CDKN2AIP: variants seen among roughly 807,000 people sequenced by gnomAD.
The protein encoded by CDKN2AIP is CDKN2A interacting protein.
CDKN2AIP carries 12 observed loss-of-function variants against 44.1 expected under a neutral mutation model. That is an observed-to-expected ratio of 0.27 (90% CI 0.17 to 0.44). The LOEUF (loss-of-function observed/expected upper bound fraction) is 0.44, where lower values mean the gene tolerates loss of function less well. Ranked by LOEUF, CDKN2AIP falls within the 20% of genes least tolerant of loss-of-function variation. CDKN2AIP has a pLI of 1.00. For synonymous variants in CDKN2AIP, 291 were observed against 272.1 expected (o/e 1.07, Z -0.68); for missense variants, 705 against 681.6 (o/e 1.03, Z -0.38).
rs1312570353 is a variant in CDKN2AIP, at chr4:183,448,930, A to C, written c.*1503A>C. On this transcript the variant is annotated 3_prime_UTR_variant, in exon 3 of 3. Coordinates refer to ENST00000504169, the MANE Select transcript of CDKN2AIP (RefSeq NM_017632.4). Reference sequence around the variant, plus strand: ...TTGCCTTTATAGATTGCGGGACACAATAACATGAATGTATTGTGAAAGCAC... The same window carrying C: ...TTGCCTTTATAGATTGCGGGACACACTAACATGAATGTATTGTGAAAGCAC... Among the ~76,000 whole-genome samples, 1 of 152,198 alleles carries C rather than the reference A, an allele frequency of 6.6e-6. No individual in the cohort carries two copies. The highest frequency in any genetic ancestry group is 1.5e-5 in the Non-Finnish European group (1 of 68,000).
chr4:183,446,958 C>T lies in CDKN2AIP; in HGVS notation c.1274C>T (p.Ser425Phe). Residue 425 changes from serine to phenylalanine, a missense_variant, in exon 3 of 3, where the codon TCT becomes TTT. Transcript: ENST00000504169. ...TCAAGTGAGAGTTCTGTCAAATTCT[C>T]TTGCAAGTTAACCAATGAAGATGTG... ...SQSSESSVKFSCKLTNEDVKQ... is the reference protein window; with the variant it reads ...SQSSESSVKFFCKLTNEDVKQ... 6.2e-7 allele frequency: 1 copy of T among 1,614,228 alleles called. No individual in the cohort carries two copies. The highest frequency in any genetic ancestry group is 8.5e-7 in the Non-Finnish European group (1 of 1,180,044).
intron 1 of CDKN2AIP, 100 bp downstream of exon 1, chr4:183,445,169 G>A (rs1440522639): frequency 9.2e-6 from 13 of 1,413,660 alleles, no homozygotes; most frequent in Non-Finnish European, 1.1e-5. Flanking sequence ...GCGGGGAGGG[G>A]AAGTTGTGAA....
rs903234798 is a variant in CDKN2AIP, at chr4:183,449,038, A to G, written c.*1611A>G. Among the ~76,000 whole-genome samples the G allele has an allele frequency of 6.6e-6, 1 of 152,176 alleles. No individual in the cohort carries two copies. Among genetic ancestry groups the G allele is most frequent in the African/African-American group, 2.4e-5 (1 of 41,450 alleles). ...TCAGAAAAGCAAAAAATTACAACGA[A>G]CAAATAAATTTATATAATATATCCA... On this transcript the variant is annotated 3_prime_UTR_variant, in exon 3 of 3. Transcript: ENST00000504169.
intron 2 of CDKN2AIP, 127 bp downstream of exon 2, chr4:183,445,792 G>T: frequency 1.3e-6 from 1 of 778,924 alleles, no homozygotes; most frequent in South Asian, 1.8e-5. Flanking sequence ...AATAAAGTTG[G>T]AATGTTAAAC....
chr4:183,445,274 G>A, intron 1 of CDKN2AIP: 1 of 663,478 alleles, frequency 1.5e-6, no homozygotes, highest in South Asian at 2.0e-5. Context: ...GTGCCCGGTG[G>A]TGTGGGCGCA....
rs757398516 is a variant in CDKN2AIP, at chr4:183,446,115, G to A, written c.431G>A (p.Arg144Gln). 9.3e-6 allele frequency: 15 copies of A among 1,610,224 alleles called. No individual in the cohort carries two copies. The highest frequency in any genetic ancestry group is 1.3e-5 in the Non-Finnish European group (15 of 1,178,542). ...GGGGTAGAAGAGCCATCCAAAAAAC[G>A]AGTTATAGAAGGAAAAAACAGTTCT... ...NEGVEEPSKK[R>Q]VIEGKNSSAV... The change falls in exon 3 of 3, where the codon CGA (arginine) becomes CAA (glutamine). Residue 144 changes from arginine (R) to glutamine (Q), a missense_variant. By Grantham distance (43) the Arg-to-Gln change is conservative (BLOSUM62 1). Around this residue, in one of 2 missense-constraint regions of CDKN2AIP, gnomAD observed 592 missense variants for 518.0 expected, o/e 1.14. Transcript: ENST00000504169.
rs534549557 is a variant in CDKN2AIP, at chr4:183,448,459, C to G, written c.*1032C>G. Among the ~76,000 whole-genome samples, 32 of 152,234 alleles carry G rather than the reference C, an allele frequency of 2.1e-4. 1 individual carries two copies. The highest frequency in any genetic ancestry group is 7.2e-4 in the African/African-American group (30 of 41,542). Reference sequence around the variant, plus strand: ...CCGTGTTCAGCTCTTGATAATGAGCCTATTCAATTTAACTACATTCGTTAA... The same window carrying G: ...CCGTGTTCAGCTCTTGATAATGAGCGTATTCAATTTAACTACATTCGTTAA... On this transcript the variant is annotated 3_prime_UTR_variant, in exon 3 of 3. Transcript: ENST00000504169.
At position 183,446,629 on chromosome 4, in the gene CDKN2AIP, T is replaced by G. The variant is rs1411058360; in HGVS notation, c.945T>G (p.Ala315=). The part of the protein sequence containing the change: ...LLSSKPSSET[A]SSGLTSKTSS... ...CTTCCAAACCTAGTTCAGAGACAGC[T>G]TCAAGTGGGTTAACTTCCAAAACTA... is the stretch of plus-strand genomic sequence containing the variant. The change falls in exon 3 of 3, where the codon GCT becomes GCG. Residue 315 remains alanine (A), a synonymous_variant. Transcript: ENST00000504169. 2.5e-6 allele frequency: 4 copies of G among 1,614,032 alleles called. No homozygotes were observed. The highest frequency in any genetic ancestry group is 3.4e-6 in the Non-Finnish European group (4 of 1,179,888).
chr4:183,447,573 A>G lies in CDKN2AIP; in HGVS notation c.*146A>G, dbSNP rs1390515996. 20 of 563,046 alleles carry G rather than the reference A, an allele frequency of 3.6e-5. 1 individual carries two copies. The highest frequency in any genetic ancestry group is 1.2e-4 in the East Asian group (4 of 34,320). The allele number at this position is 563,046 out of a possible 1,614,324, so 34.9% of individuals were successfully genotyped here. The stretch of plus-strand genomic sequence containing the variant: ...ATTTACATTCTAGTTCTCTTCACAC[A>G]GTAGCAGTTGTAAATAATTTATGAA... On this transcript the variant is annotated 3_prime_UTR_variant, in exon 3 of 3. Coordinates refer to ENST00000504169, the MANE Select transcript of CDKN2AIP (RefSeq NM_017632.4).
chr4:183,444,668 T>G lies in CDKN2AIP; in HGVS notation c.-130T>G. The G allele has an allele frequency of 5.7e-6, 5 of 877,406 alleles. No homozygotes were observed. The highest frequency in any genetic ancestry group is 8.1e-6 in the Non-Finnish European group (5 of 616,004). The allele number at this position is 877,406 out of a possible 1,614,324, so 54.4% of individuals were successfully genotyped here. A position where few individuals can be genotyped will look rare whatever the true frequency, so the allele number is the denominator to read the frequency against. ...GGTTCGGCGGCTCTGGGCGCTGTTG[T>G]TTGGTCTTTAGGCCTGCGGAGGGGC... On this transcript the variant is annotated 5_prime_UTR_variant, in exon 1 of 3. Transcript: ENST00000504169.
At chr4:183,446,062 C>G (rs761361785) in intron 2 of CDKN2AIP, 26 bp from the exon 3 acceptor site, 2 of 1,553,000 alleles carry the variant, frequency 1.3e-6, no homozygotes, top group Non-Finnish European at 1.7e-6. Context: ...TTCTTAGTCA[C>G]ATATCTATGT....
chr4:183,445,216 G>A, intron 1 of CDKN2AIP, 147 bp downstream of exon 1: 1 of 958,604 alleles, frequency 1.0e-6, no homozygotes, highest in South Asian at 1.7e-5. Flanking sequence ...CCTCTAAGGG[G>A]GAGAAGGGCG....
intron 2 of CDKN2AIP, 55 bp downstream of exon 2, chr4:183,445,720 T>A: frequency 7.0e-7 from 1 of 1,427,284 alleles, no homozygotes; most frequent in Non-Finnish European, 9.7e-7. Flanking sequence ...AAGTTTGATA[T>A]AATTAGGAAT....
intron 2 of CDKN2AIP, 39 bp downstream of exon 2, chr4:183,445,704 G>C: frequency 6.5e-7 from 1 of 1,538,590 alleles, no homozygotes; most frequent in East Asian, 2.3e-5. Flanking sequence ...TAGGAGTTTA[G>C]AGCATAAGTT....
chr4:183,445,924 T>TCTAA, intron 2 of CDKN2AIP, 164 bp from the exon 3 acceptor site: 1 of 659,748 alleles, frequency 1.5e-6, no homozygotes, highest in Non-Finnish European at 2.6e-6. Context: ...ATTCATGATG[T>TCTAA]TATTCAACAC....
In CDKN2AIP at chr4:183,448,295, A is replaced by C. The variant is rs1411877679; in HGVS notation, c.*868A>C. 1 of 152,076 alleles carries C rather than the reference A, an allele frequency of 6.6e-6. No homozygotes were observed. The highest frequency in any genetic ancestry group is 2.1e-4 in the South Asian group (1 of 4,834). 9.4% of individuals were successfully genotyped at this position (152,076 alleles called of 1,614,324 possible). A position where few individuals can be genotyped will look rare whatever the true frequency, so the allele number is the denominator to read the frequency against. On this transcript the variant is annotated 3_prime_UTR_variant, in exon 3 of 3. Coordinates refer to ENST00000504169, the MANE Select transcript of CDKN2AIP (RefSeq NM_017632.4). ...AGACAACCAGGTAATTGTGTGATAT[A>C]CATCTTTATTTAATTTTTTTTTTTA...
At chr4:183,445,099 G>C (rs370014209) in intron 1 of CDKN2AIP, 30 bp downstream of exon 1, 9 of 1,546,816 alleles carry the variant, frequency 5.8e-6, no homozygotes, top group South Asian at 2.4e-5. Context: ...TAACCAGCAC[G>C]CCTCGTTTTG....
chr4:183,447,114 C>T lies in CDKN2AIP; in HGVS notation c.1430C>T (p.Thr477Ile). 6.2e-7 allele frequency: 1 copy of T among 1,613,860 alleles called. No individual in the cohort carries two copies. ...GCAGCTATTGAGGCTCTGAAAGCAA[C>T]ACTGGATGTATTTTTTGTCCCACTA... ...LNAAIEALKA[T>I]LDVFFVPLKE... The change falls in exon 3 of 3, where the codon ACA becomes ATA. Residue 477 changes from threonine (T) to isoleucine (I), a missense_variant. Physicochemically the swap from Thr to Ile is moderately conservative, Grantham distance 89 (BLOSUM62 -1). Transcript: ENST00000504169.
chr4:183,444,960 G>A lies in CDKN2AIP; in HGVS notation c.163G>A (p.Ala55Thr), dbSNP rs201746352. The A allele has an allele frequency of 1.1e-5, 17 of 1,611,290 alleles. No individual in the cohort carries two copies. The African/African-American group carries it at 2.0e-4, about 19-fold the overall frequency. Residue 55 changes from alanine (A) to threonine (T), a missense_variant, in exon 1 of 3, where the codon GCT (alanine) becomes ACT (threonine). Ala to Thr is a moderately conservative substitution (Grantham distance 58). Transcript: ENST00000504169. The part of the protein sequence containing the change: ...DLAPAGGAAS[A>T]STDEAADAES... ...GGCCCCCGCTGGCGGCGCTGCCTCC[G>A]CTAGCACGGATGAAGCTGCCGACGC...
Sources: gnomAD v4.1 joint callset for allele counts (sites outside exome capture counted in the v4.1 genomes callset) on GRCh38, gnomAD v4.1.1 for gene constraint, gnomAD v4.1.1 regional missense constraint, MANE v1.5 for transcripts, NCBI Gene and HGNC (gene_info 2026-07-23, HGNC 2026-07-21) for gene names.